The following USP9X variants were observed in gnomAD, a reference collection of about 807,000 sequenced individuals.
USP9X encodes ubiquitin carboxyl-terminal hydrolase 9X.
USP9X carries 7 observed loss-of-function variants against 190.3 expected under a neutral mutation model. The ratio of observed to expected loss-of-function variants is 0.04; its 90% CI spans 0.02 to 0.07. USP9X has a LOEUF of 0.07. Among genes scored for constraint, USP9X ranks in the 10% least tolerant of loss-of-function variants. USP9X has a pLI of 1.00. For synonymous variants in USP9X, 645 were observed against 659.5 expected, an observed-to-expected ratio of 0.98 and a Z score of 0.34; for missense variants, 1,010 against 1,916.9, an observed-to-expected ratio of 0.53 and a Z score of 8.83.
rs760521958 is a variant in USP9X at position 41,098,165 on chromosome X, G to T, written c.-159+12056G>T. 1.8e-4 allele frequency among the ~76,000 whole-genome samples: 19 copies of T among 104,005 alleles called. No homozygotes were observed. The Admixed American group carries it at 1.9e-3, about 10-fold the overall frequency. The allele number at this position is 104,005 out of a possible 115,157, so 90.3% of individuals were successfully genotyped here. ...TTTTTTTTTTTTTTTTCTTGAGATG[G>T]AGTCTCGCTCTGTTGCCCAGGCTGG... On this transcript the variant is annotated intron_variant, in intron 1 of 44. Coordinates refer to ENST00000378308, the MANE Select transcript of USP9X (RefSeq NM_001039591.3).
chrX:41,184,102 G>A lies in USP9X; in HGVS notation c.3253G>A (p.Ala1085Thr). 1 of 1,208,722 alleles carries A rather than the reference G, an allele frequency of 8.3e-7. No individual in the cohort carries two copies. Among genetic ancestry groups the A allele is most frequent in the South Asian group, 1.8e-5 (1 of 56,345 alleles). The change falls in exon 22 of 45, where the codon GCC (alanine) becomes ACC (threonine). Residue 1085 changes from alanine to threonine, a missense_variant. Physicochemically the swap from Ala to Thr is moderately conservative, Grantham distance 58 (BLOSUM62 0). Transcript: ENST00000378308. ...SLDSLFFGPSASQVLYLTEVV... is the reference protein window; with the variant it reads ...SLDSLFFGPSTSQVLYLTEVV... The stretch of plus-strand genomic sequence containing the variant: ...TGACTCACTTTTCTTTGGTCCTTCA[G>A]CCTCACAAGTGCTATATCTAACAGA...
intron 21 of USP9X, among the ~76,000 whole-genome samples, chrX:41,179,058 G>A (rs2016065478): frequency 9.0e-6 from 1 of 111,463 alleles, no homozygotes; most frequent in African/African-American, 3.3e-5. Context: ...TCTCTATTCT[G>A]TTCAATTGAT....
intron 32 of USP9X, among the ~76,000 whole-genome samples, chrX:41,208,304 C>T (rs764276695): frequency 3.2e-4 from 36 of 112,510 alleles, no homozygotes; most frequent in African/African-American, 1.1e-3. Context: ...GGATTACAGG[C>T]GAGAGCCACT....
chrX:41,182,959 A>G (rs1241440167), intron 21 of USP9X, among the ~76,000 whole-genome samples: 1 of 101,846 alleles, frequency 9.8e-6, no homozygotes, highest in Non-Finnish European at 2.0e-5. Context: ...TTTTCTGGAG[A>G]TGGAGTTTCG....
intron 2 of USP9X, among the ~76,000 whole-genome samples, chrX:41,125,668 ACACACACACACACACACTCTCTCT>A (rs1196833565): frequency 1.9e-5 from 1 of 52,419 alleles, no homozygotes; most frequent in East Asian, 7.6e-4. Flanking sequence ...ACACACACAC[ACACACACACACACACACTCTCTCT>A]CTCTCTCTCT....
chrX:41,178,225 C>G (rs1454313143), intron 21 of USP9X, among the ~76,000 whole-genome samples: 2 of 104,924 alleles, frequency 1.9e-5, no homozygotes, highest in Non-Finnish European at 3.9e-5. Flanking sequence ...CTCAGCCTCC[C>G]GAATAGCTGT....
Position 41,085,861 on chromosome X carries a change from C to T in USP9X, c.-407C>T, listed in dbSNP as rs1040816968. On this transcript the variant is annotated 5_prime_UTR_variant, in exon 1 of 45. Transcript: ENST00000378308. ...GAGGGGAGAAGGGGAAGAGGGCCGT[C>T]GCCGGCCAAGGAGGAGGAGGAGGCG... 4.4e-5 allele frequency: 13 copies of T among 297,605 alleles called. No homozygotes were observed. Among genetic ancestry groups the T allele is most frequent in the Non-Finnish European group, 7.0e-5 (12 of 170,754 alleles). 24.5% of individuals were successfully genotyped at this position (297,605 alleles called of 1,213,427 possible). A position where few individuals can be genotyped will look rare whatever the true frequency, so the allele number is the denominator to read the frequency against.
intron 9 of USP9X, among the ~76,000 whole-genome samples, chrX:41,142,167 T>A (rs1019632442): frequency 3.6e-5 from 4 of 111,226 alleles, no homozygotes; most frequent in African/African-American, 1.3e-4. Context: ...GTGGTAGACA[T>A]CTGGTTTCAT....
At chrX:41,231,413 C>T (rs2063358591) in intron 44 of USP9X, among the ~76,000 whole-genome samples, 1 of 111,515 alleles carries the variant, frequency 9.0e-6, no homozygotes, top group Non-Finnish European at 1.9e-5. Flanking sequence ...ACACATTCAG[C>T]GTACTTATTT....
rs906931576 is a variant in USP9X, at chrX:41,093,617, A to G, written c.-159+7508A>G. ...CTCGGCTTCCCAAAGTGCTGGGATT[A>G]CAGGCATGAGCCATCATGCCTGGCC... On this transcript the variant is annotated intron_variant, in intron 1 of 44. Coordinates refer to ENST00000378308, the MANE Select transcript of USP9X (RefSeq NM_001039591.3). 3.6e-5 allele frequency among the ~76,000 whole-genome samples: 4 copies of G among 112,022 alleles called. No homozygotes were observed. In the South Asian group the frequency reaches 1.5e-3, roughly 41 times the overall value.
intron 2 of USP9X, among the ~76,000 whole-genome samples, chrX:41,125,365 G>A (rs2062228021): frequency 1.1e-5 from 1 of 90,183 alleles, no homozygotes; most frequent in Non-Finnish European, 2.2e-5. Context: ...ATGAGCCACG[G>A]TACCCGGCCG....
chrX:41,175,972 A>G (rs1184029782), intron 21 of USP9X, among the ~76,000 whole-genome samples: 1 of 109,163 alleles, frequency 9.2e-6, no homozygotes, highest in African/African-American at 3.3e-5. Flanking sequence ...GCTTACTGCA[A>G]CCTCCGCCTC....
chrX:41,225,163 A>T, intron 41 of USP9X, 26 bp downstream of exon 41: 3 of 1,182,948 alleles, frequency 2.5e-6, no homozygotes, highest in Non-Finnish European at 3.4e-6. Flanking sequence ...GTGACTGGAA[A>T]CAATTAGGCT....
intron 1 of USP9X, among the ~76,000 whole-genome samples, chrX:41,103,970 G>A (rs900024561): frequency 3.6e-5 from 4 of 111,763 alleles, no homozygotes; most frequent in African/African-American, 1.3e-4. Flanking sequence ...CTCATTACTA[G>A]TTTAATTTTC....
At chrX:41,108,152 G>A (rs2062083464) in intron 1 of USP9X, among the ~76,000 whole-genome samples, 1 of 111,790 alleles carries the variant, frequency 8.9e-6, no homozygotes, top group African/African-American at 3.3e-5. Context: ...GTAGTGACTG[G>A]CTGAACTATT....
intron 13 of USP9X, among the ~76,000 whole-genome samples, 160 bp downstream of exon 13, chrX:41,151,217 C>A (rs1402381863): frequency 2.1e-5 from 1 of 47,897 alleles, no homozygotes; most frequent in Non-Finnish European, 4.0e-5. Flanking sequence ...ATTACATCTA[C>A]CTCCTTTTTT....
intron 3 of USP9X, 59 bp from the exon 4 acceptor site, chrX:41,131,398 T>A: frequency 2.2e-6 from 2 of 918,435 alleles, no homozygotes; most frequent in Non-Finnish European, 3.1e-6. Flanking sequence ...GTAGCTCATT[T>A]GTAGTGCCTC....
At chrX:41,231,116 CTTTT>C (rs1388260730) in intron 44 of USP9X, among the ~76,000 whole-genome samples, 5 of 111,642 alleles carry the variant, frequency 4.5e-5, no homozygotes, top group Non-Finnish European at 9.4e-5. Flanking sequence ...TAAATGATAA[CTTTT>C]TCTTTCTGAA....
intron 25 of USP9X, among the ~76,000 whole-genome samples, chrX:41,188,700 T>G (rs73203653): frequency 0.072 from 8,093 of 111,708 alleles, 358 homozygotes; most frequent in Middle Eastern, 0.12. Flanking sequence ...AACATCACCC[T>G]GATTTGCCCA....
Sources: allele counts gnomAD v4.1 joint callset (sites outside exome capture counted in the v4.1 genomes callset), GRCh38; gene constraint gnomAD v4.1.1; transcripts MANE v1.5; gene names NCBI Gene and HGNC (gene_info 2026-07-23, HGNC 2026-07-21).